Variants in PARVB observed in about 807,000 individuals in gnomAD.
PARVB encodes parvin beta, also known as beta-parvin.
PARVB carries 46 observed loss-of-function variants against 47.0 expected under a neutral mutation model. The observed-to-expected ratio is 0.98, with a 90% CI of 0.77 to 1.25. The LOEUF (loss-of-function observed/expected upper bound fraction) is 1.25. PARVB is among the 50% of genes most tolerant of loss of function. PARVB has a pLI of 0.00. For missense variants in PARVB, 473 were observed against 471.6 expected, an observed-to-expected ratio of 1.00 and a Z score of -0.03; for synonymous variants, 196 against 196.3, an observed-to-expected ratio of 1.00 and a Z score of 0.01.
At chr22:44,013,594 G>T (rs549911466) in intron 2 of PARVB, among the ~76,000 whole-genome samples, 1 of 152,260 alleles carries the variant, frequency 6.6e-6, no homozygotes, top group East Asian at 1.9e-4. Flanking sequence ...GCATCTGTCT[G>T]GCCTCTTTCA....
intron 3 of PARVB, chr22:44,102,987 C>T (rs779768536): frequency 6.6e-6 from 1 of 152,530 alleles, no homozygotes; most frequent in South Asian, 2.1e-4. Flanking sequence ...CTGTGCTGGG[C>T]CCTGGGATTC....
chr22:44,026,641 TG>T (rs2050734726), intron 1 of PARVB, among the ~76,000 whole-genome samples: 1 of 152,126 alleles, frequency 6.6e-6, no homozygotes, highest in Non-Finnish European at 1.5e-5. Flanking sequence ...GAGCAGCCCC[TG>T]GCCCTGACTT....
At chr22:44,109,603 G>C (rs887040657) in intron 3 of PARVB, 1 of 152,348 alleles carries the variant, frequency 6.6e-6, no homozygotes, top group African/African-American at 2.4e-5. Context: ...GGTGGCAGTG[G>C]AACTGGGCCG....
At chr22:44,064,517 T>C (rs1422906005) in intron 1 of PARVB, among the ~76,000 whole-genome samples, 1 of 152,166 alleles carries the variant, frequency 6.6e-6, no homozygotes, top group African/African-American at 2.4e-5. Context: ...TTCTCACCTG[T>C]GGGCCTAGGA....
At chr22:44,029,053 G>A (rs1466023930) in intron 1 of PARVB, among the ~76,000 whole-genome samples, 1 of 152,120 alleles carries the variant, frequency 6.6e-6, no homozygotes, top group East Asian at 1.9e-4. Flanking sequence ...GCACGATCCT[G>A]GCTCACTGCA....
intron 1 of PARVB, among the ~76,000 whole-genome samples, chr22:44,055,007 A>G (rs1420164489): frequency 6.6e-6 from 1 of 151,716 alleles, no homozygotes; most frequent in Non-Finnish European, 1.5e-5. Context: ...AAAAAAAAAA[A>G]AAAAAGGTTA....
intron 7 of PARVB, among the ~76,000 whole-genome samples, chr22:44,138,178 T>G (rs538755003): frequency 6.6e-6 from 1 of 152,318 alleles, no homozygotes; most frequent in South Asian, 2.1e-4. Context: ...TGAGTGCAGT[T>G]CTTTTCCTCC....
intron 4 of PARVB, among the ~76,000 whole-genome samples, chr22:44,122,544 GAGAGAGAGACAC>G (rs2053084124): frequency 7.2e-5 from 7 of 96,938 alleles, no homozygotes; most frequent in Middle Eastern, 5.1e-3. Context: ...GAGAGAGAGA[GAGAGAGAGACAC>G]AGAGACAGAG....
At chr22:44,040,782 G>A (rs1228272909) in intron 1 of PARVB, among the ~76,000 whole-genome samples, 1 of 152,068 alleles carries the variant, frequency 6.6e-6, no homozygotes, top group African/African-American at 2.4e-5. Context: ...TTGGGAGGCC[G>A]AGGTGGACGG....
intron 7 of PARVB, 62 bp from the exon 8 acceptor site, chr22:44,140,062 T>TG: frequency 3.2e-6 from 1 of 307,788 alleles, no homozygotes; most frequent in Admixed American, 8.0e-5. Flanking sequence ...TCCATTGTGC[T>TG]GCTTGTGAAA....
intron 10 of PARVB, 49 bp downstream of exon 10, chr22:44,151,600 G>T: frequency 6.9e-7 from 1 of 1,457,788 alleles, no homozygotes; most frequent in Non-Finnish European, 9.6e-7. Flanking sequence ...GCCATTTTCA[G>T]TCAGTGTTTT....
chr22:44,055,849 C>T lies in PARVB; in HGVS notation c.112+31398C>T, dbSNP rs528750849. Among the ~76,000 whole-genome samples the T allele has an allele frequency of 1.3e-4, 20 of 152,312 alleles. No individual in the cohort carries two copies. In the South Asian group the frequency reaches 1.9e-3, roughly 14 times the overall value. ...GAGTGAATCCCCTTACCCTGCCTTT[C>T]GGTCTATTCAGGTGTCAAATGGATT... On this transcript the variant is annotated intron_variant, in intron 1 of 12. Transcript: ENST00000338758.
intron 1 of PARVB, chr22:44,039,939 C>G: frequency 2.2e-6 from 1 of 446,476 alleles, no homozygotes; most frequent in Non-Finnish European, 4.5e-6. Flanking sequence ...CTCAGCCTCC[C>G]AAGGAGCGAG....
intron 2 of PARVB, among the ~76,000 whole-genome samples, chr22:44,011,626 G>GTAAA (rs1293918729): frequency 4.6e-5 from 7 of 151,966 alleles, no homozygotes; most frequent in African/African-American, 1.2e-4. Flanking sequence ...TGCTGTCTCA[G>GTAAA]TAAATAAATA....
chr22:44,018,839 T>C (rs2050613075), intron 2 of PARVB, among the ~76,000 whole-genome samples: 1 of 152,238 alleles, frequency 6.6e-6, no homozygotes, highest in Non-Finnish European at 1.5e-5. Flanking sequence ...ATGGTTATGG[T>C]TGACTCGTGC....
At chr22:44,061,471 C>T (rs185410896) in intron 1 of PARVB, among the ~76,000 whole-genome samples, 66 of 151,806 alleles carry the variant, frequency 4.3e-4, no homozygotes, top group Non-Finnish European at 7.7e-4. Flanking sequence ...CAAACCAAAA[C>T]AGTGAAGTCA....
In PARVB at chr22:44,155,500, C is replaced by T. The variant is rs548070648; in HGVS notation, c.844-2482C>T. Among the ~76,000 whole-genome samples, 46 of 152,304 alleles carry T rather than the reference C, an allele frequency of 3.0e-4. No individual in the cohort carries two copies. Among genetic ancestry groups the T allele is most frequent in the African/African-American group, 1.1e-3 (46 of 41,566 alleles). On this transcript the variant is annotated intron_variant, in intron 10 of 12. Coordinates refer to ENST00000338758, the MANE Select transcript of PARVB (RefSeq NM_013327.5). The surrounding 1 kb of genome is among the most constrained non-coding windows in gnomAD (Gnocchi z 4.8). Reference sequence around the variant, plus strand: ...CCCGTGTGCTGGGACAGTGAGGAGACACCACGGAAGGAAGAAAAGACTCAG... The same window carrying T: ...CCCGTGTGCTGGGACAGTGAGGAGATACCACGGAAGGAAGAAAAGACTCAG...
At chr22:44,092,387 G>A (rs1320007840) in intron 1 of PARVB, among the ~76,000 whole-genome samples, 4 of 152,208 alleles carry the variant, frequency 2.6e-5, no homozygotes, top group African/African-American at 7.2e-5. Flanking sequence ...GGGATTACAG[G>A]TGTGAGCCAC....
chr22:44,066,801 C>CCTCCTCCTCCTCCTCCTT lies in PARVB; in HGVS notation c.113-27110_113-27109insTCTCCTCCTCCTCCTCCT, dbSNP rs1555898490. Among the ~76,000 whole-genome samples, 317 of 110,876 alleles carry CCTCCTCCTCCTCCTCCTT rather than the reference C, an allele frequency of 2.9e-3. 4 individuals carry two copies. Among genetic ancestry groups the CCTCCTCCTCCTCCTCCTT allele is most frequent in the African/African-American group, 0.011 (266 of 24,470 alleles). The allele number at this position is 110,876 out of a possible 152,430, so 72.7% of individuals were successfully genotyped here. A position where few individuals can be genotyped will look rare whatever the true frequency, so the allele number is the denominator to read the frequency against. ...TATTTCTCCTCCTCCTCCTCCTCCT[C>CCTCCTCCTCCTCCTCCTT]CTCCTCCTCCTCCTCCTCCTCTTCC... On this transcript the variant is annotated intron_variant, in intron 1 of 12. Transcript: ENST00000338758.
Sources: gnomAD v4.1 joint callset for allele counts (sites outside exome capture counted in the v4.1 genomes callset) on GRCh38, gnomAD v4.1.1 for gene constraint, Gnocchi (gnomAD v3.1) non-coding constraint, MANE v1.5 for transcripts, NCBI Gene and HGNC (gene_info 2026-07-23, HGNC 2026-07-21) for gene names.